Variants in FERRY3 observed in about 807,000 individuals in gnomAD.
FERRY3 encodes the protein FERRY endosomal RAB5 effector complex subunit 3.
the FERRY3 span, among the ~76,000 whole-genome samples, chr12:4,526,939 T>C: frequency 6.6e-6 from 1 of 152,132 alleles, no homozygotes; most frequent in Non-Finnish European, 1.5e-5. Context: ...ATATATACAT[T>C]TCTATATATA....
the FERRY3 span, among the ~76,000 whole-genome samples, chr12:4,520,436 G>A: frequency 3.3e-5 from 5 of 152,216 alleles, no homozygotes; most frequent in Non-Finnish European, 7.3e-5. Flanking sequence ...ACTGCTGGGA[G>A]GCAGAGCAAA....
the FERRY3 span, chr12:4,518,274 CCAGGAAAGATACT>C: frequency 6.2e-7 from 1 of 1,608,754 alleles, no homozygotes; most frequent in East Asian, 2.2e-5. Context: ...AGGCAATAGT[CCAGGAAAGATACT>C]TAAGCAGCTA....
chr12:4,491,194 A>G, the FERRY3 span: 1 of 1,613,354 alleles, frequency 6.2e-7, no homozygotes, highest in Non-Finnish European at 8.5e-7. Flanking sequence ...ACACTTGAAC[A>G]CAAGTTCCGC....
the FERRY3 span, among the ~76,000 whole-genome samples, chr12:4,504,548 G>C: frequency 6.6e-6 from 1 of 152,008 alleles, no homozygotes; most frequent in East Asian, 1.9e-4. Flanking sequence ...TAAATGAGAT[G>C]ATCCATTTTC....
chr12:4,517,193 A>G, the FERRY3 span: 1 of 1,535,708 alleles, frequency 6.5e-7, no homozygotes, highest in Non-Finnish European at 8.8e-7. Flanking sequence ...GCAAAATCTA[A>G]GGGACCCAAA....
At chr12:4,497,491 G>A in the FERRY3 span, among the ~76,000 whole-genome samples, 2 of 152,040 alleles carry the variant, frequency 1.3e-5, no homozygotes, top group Non-Finnish European at 2.9e-5. Flanking sequence ...CTTTCTATAC[G>A]TGTGTTATAC....
At chr12:4,535,990 T>C in the FERRY3 span, 5 of 1,495,750 alleles carry the variant, frequency 3.3e-6, no homozygotes, top group Non-Finnish European at 4.5e-6. This position sits in a 1 kb window ranked among gnomAD's most constrained non-coding sequence, Gnocchi z 4.0. Context: ...TAAAGTGGTG[T>C]TACTTAAAAA....
the FERRY3 span, among the ~76,000 whole-genome samples, chr12:4,520,471 C>T: frequency 6.6e-6 from 1 of 152,244 alleles, no homozygotes; most frequent in Non-Finnish European, 1.5e-5. Context: ...CTCCACTCTG[C>T]AGCTCTGGCA....
chr12:4,518,095 T>C, the FERRY3 span: 8 of 1,613,550 alleles, frequency 5.0e-6, no homozygotes, highest in East Asian at 1.8e-4. Flanking sequence ...TTCGATTATC[T>C]ACTAGTAAAA....
At chr12:4,527,857 T>G in the FERRY3 span, among the ~76,000 whole-genome samples, 1 of 151,652 alleles carries the variant, frequency 6.6e-6, no homozygotes, top group African/African-American at 2.4e-5. Context: ...TGGCCAAATA[T>G]GATTTCAAAC....
the FERRY3 span, chr12:4,516,989 T>C: frequency 1.7e-6 from 2 of 1,204,620 alleles, no homozygotes; most frequent in Middle Eastern, 2.1e-4. Context: ...ATTTTCTATA[T>C]GATCTTAATA....
chr12:4,508,269 C>A, the FERRY3 span, among the ~76,000 whole-genome samples: 1 of 152,152 alleles, frequency 6.6e-6, no homozygotes, highest in African/African-American at 2.4e-5. Context: ...TACTGTACAA[C>A]AGAAAATATA....
the FERRY3 span, among the ~76,000 whole-genome samples, chr12:4,520,944 C>G: frequency 1.3e-5 from 2 of 152,084 alleles, no homozygotes; most frequent in African/African-American, 2.4e-5. Context: ...CCAAACCTAC[C>G]TCAACTGCTG....
the FERRY3 span, among the ~76,000 whole-genome samples, chr12:4,506,547 G>A: frequency 1.3e-5 from 2 of 152,014 alleles, no homozygotes; most frequent in African/African-American, 2.4e-5. Context: ...ATGTCTAATC[G>A]TAGCATAGAT....
At chr12:4,530,440 A>G in the FERRY3 span, among the ~76,000 whole-genome samples, 3 of 152,202 alleles carry the variant, frequency 2.0e-5, no homozygotes, top group Non-Finnish European at 4.4e-5. Flanking sequence ...GATAGCCTTT[A>G]TTTATATTCT....
chr12:4,530,003 A>G, the FERRY3 span: 11 of 1,613,242 alleles, frequency 6.8e-6, no homozygotes, highest in Non-Finnish European at 1.7e-6. Flanking sequence ...CATCTGCAAA[A>G]TCTTCATCCC....
the FERRY3 span, among the ~76,000 whole-genome samples, chr12:4,513,346 G>A: frequency 3.3e-5 from 5 of 152,118 alleles, no homozygotes; most frequent in African/African-American, 7.2e-5. Flanking sequence ...AGTGCCATCC[G>A]CATCACAAGC....
At chr12:4,533,019 G>A in the FERRY3 span, among the ~76,000 whole-genome samples, 3 of 152,252 alleles carry the variant, frequency 2.0e-5, no homozygotes, top group East Asian at 5.8e-4. Context: ...TCGCTGCTCG[G>A]TTTTCTCCTT....
At chr12:4,517,710 CAGAGAGAG>C in the FERRY3 span, among the ~76,000 whole-genome samples, 18 of 132,300 alleles carry the variant, frequency 1.4e-4, no homozygotes, top group Non-Finnish European at 2.3e-4. Flanking sequence ...TATATATAGA[CAGAGAGAG>C]AGAGAGAGAG....
Sources: allele counts gnomAD v4.1 joint callset (sites outside exome capture counted in the v4.1 genomes callset), GRCh38; gene constraint gnomAD v4.1.1; non-coding constraint Gnocchi (gnomAD v3.1); transcripts MANE v1.5; gene names NCBI Gene and HGNC (gene_info 2026-07-23, HGNC 2026-07-21).